Variants in NUP107 observed in about 807,000 individuals in gnomAD.
NUP107 encodes the protein nuclear pore complex protein Nup107.
NUP107 carries 101 observed loss-of-function variants against 141.0 expected under a neutral mutation model. The observed-to-expected ratio is 0.72, with a 90% CI of 0.61 to 0.84. NUP107 has a LOEUF of 0.84. NUP107 is among the 40% of genes least tolerant of loss of function. The pLI is 0.00. For missense variants in NUP107, 941 were observed against 1,102.7 expected, an observed-to-expected ratio of 0.85 and a Z score of 2.08; for synonymous variants, 319 against 363.9, an observed-to-expected ratio of 0.88 and a Z score of 1.41.
At chr12:68,722,213 C>A (rs1215209815) in intron 17 of NUP107, 61 bp downstream of exon 17, 3 of 1,379,980 alleles carry the variant, frequency 2.2e-6, no homozygotes, top group Non-Finnish European at 3.0e-6. Context: ...TTCTATTGTG[C>A]ACTGTAGCTG....
intron 15 of NUP107, among the ~76,000 whole-genome samples, chr12:68,721,480 G>T (rs1877347063): frequency 6.6e-6 from 1 of 152,128 alleles, no homozygotes; most frequent in African/African-American, 2.4e-5. Flanking sequence ...GCTGTATGCA[G>T]AAATGTACCG....
At chr12:68,738,733 T>C (rs1402486998) in intron 26 of NUP107, among the ~76,000 whole-genome samples, 3 of 152,182 alleles carry the variant, frequency 2.0e-5, no homozygotes, top group Non-Finnish European at 4.4e-5. Context: ...AGGTCATCTT[T>C]ACCTACCTTT....
rs1254639562 is a variant in NUP107, at chr12:68,696,884, G to C, written c.514G>C (p.Asp172His). Residue 172 changes from aspartate (D) to histidine (H), a missense_variant, in exon 6 of 28, where the codon GAT (aspartate) becomes CAT (histidine). Coordinates refer to ENST00000229179, the MANE Select transcript of NUP107 (RefSeq NM_020401.4). ...GAAGCACTCTTCGAGTACAGTTTTTGATCTTGTGGAAGAGTATGAAAACAT... is the reference window on the plus strand; with the variant it reads ...GAAGCACTCTTCGAGTACAGTTTTTCATCTTGTGGAAGAGTATGAAAACAT... ...FLKHSSSTVF[D>H]LVEEYENICG... 1.9e-6 allele frequency: 3 copies of C among 1,605,966 alleles called. No individual in the cohort carries two copies. Among genetic ancestry groups the C allele is most frequent in the Non-Finnish European group, 2.5e-6 (3 of 1,176,900 alleles).
intron 9 of NUP107, 129 bp from the exon 10 acceptor site, chr12:68,709,876 G>GAGAC: frequency 1.9e-6 from 1 of 527,908 alleles, no homozygotes; most frequent in South Asian, 1.8e-5. Context: ...ACGACAGAGT[G>GAGAC]AGACTCTTTC....
intron 26 of NUP107, among the ~76,000 whole-genome samples, chr12:68,737,802 G>A (rs1269998590): frequency 6.6e-6 from 1 of 152,148 alleles, no homozygotes; most frequent in Non-Finnish European, 1.5e-5. Context: ...GTAGGGCATT[G>A]TTCAAGGCCC....
chr12:68,691,175 A>G (rs1875767983), intron 4 of NUP107, among the ~76,000 whole-genome samples: 1 of 152,236 alleles, frequency 6.6e-6, no homozygotes, highest in Non-Finnish European at 1.5e-5. Flanking sequence ...ATAATTAGAC[A>G]GTAAAAAAAC....
At chr12:68,730,172 GC>G (rs1478234727) in intron 20 of NUP107, among the ~76,000 whole-genome samples, 3 of 144,262 alleles carry the variant, frequency 2.1e-5, no homozygotes, top group Non-Finnish European at 3.0e-5. Context: ...CACTATGTTG[GC>G]CAGGCTAATC....
intron 17 of NUP107, among the ~76,000 whole-genome samples, chr12:68,722,364 C>A (rs1203418020): frequency 6.6e-6 from 1 of 151,910 alleles, no homozygotes; most frequent in Non-Finnish European, 1.5e-5. Context: ...AGTATATGCA[C>A]GTAAGCTATA....
At chr12:68,702,819 C>T (rs780170991) in intron 8 of NUP107, 35 bp downstream of exon 8, 5 of 1,153,758 alleles carry the variant, frequency 4.3e-6, no homozygotes, top group Non-Finnish European at 6.1e-6. Context: ...TTTATAAATA[C>T]ATACAAATTA....
At chr12:68,741,288 G>A (rs1462468949) in intron 26 of NUP107, among the ~76,000 whole-genome samples, 1 of 151,886 alleles carries the variant, frequency 6.6e-6, no homozygotes, top group Admixed American at 6.6e-5. Flanking sequence ...CTCATTAATT[G>A]TATTATTCAA....
At chr12:68,702,693 C>A in intron 7 of NUP107, 43 bp from the exon 8 acceptor site, 2 of 1,362,718 alleles carry the variant, frequency 1.5e-6, no homozygotes, top group Non-Finnish European at 2.0e-6. Flanking sequence ...TCATTATATT[C>A]GTGTGAAATA....
rs1222429458 is a variant in NUP107 at position 68,745,530 on chromosome 12, A to C, written c.*3068A>C. On this transcript the variant is annotated 3_prime_UTR_variant, in exon 28 of 28. Coordinates refer to ENST00000229179, the MANE Select transcript of NUP107 (RefSeq NM_020401.4). ...TAGTCATTGCACCTGACCTGATCCAAAACATATATATATATTTGTATGCAC... is the reference window on the plus strand; with the variant it reads ...TAGTCATTGCACCTGACCTGATCCACAACATATATATATATTTGTATGCAC... 2 of 152,202 alleles carry C rather than the reference A, an allele frequency of 1.3e-5. No homozygotes were observed. Among genetic ancestry groups the C allele is most frequent in the Non-Finnish European group, 2.9e-5 (2 of 68,042 alleles). The allele number at this position is 152,202 out of a possible 1,614,324, so 9.4% of individuals were successfully genotyped here.
At chr12:68,721,075 G>T in intron 14 of NUP107, 43 bp from the exon 15 acceptor site, 1 of 1,337,214 alleles carries the variant, frequency 7.5e-7, no homozygotes. Context: ...GACATACTAA[G>T]AAAAACAATA....
In NUP107 at chr12:68,721,140, G is replaced by T. The variant is rs758767334; in HGVS notation, c.1274G>T (p.Arg425Ile). The T allele has an allele frequency of 6.2e-7, 1 of 1,608,346 alleles. No homozygotes were observed. The highest frequency in any genetic ancestry group is 2.2e-5 in the East Asian group (1 of 44,636). Residue 425 changes from arginine to isoleucine, a missense_variant, in exon 15 of 28, where the codon AGA becomes ATA. By Grantham distance (97) the Arg-to-Ile change is moderately conservative. Coordinates refer to ENST00000229179, the MANE Select transcript of NUP107 (RefSeq NM_020401.4). ...TAGGAGCTTTTTAATAGATACGAGAGAGCAATTTATGCAGCTTTAAGTGGG... is the reference window on the plus strand; with the variant it reads ...TAGGAGCTTTTTAATAGATACGAGATAGCAATTTATGCAGCTTTAAGTGGG... Reference protein sequence around the residue: ...AEDELFNRYERAIYAALSGNL... With the variant: ...AEDELFNRYEIAIYAALSGNL...
intron 8 of NUP107, chr12:68,706,861 G>A (rs1876607940): frequency 1.8e-5 from 14 of 757,178 alleles, no homozygotes; most frequent in Admixed American, 8.6e-5. Flanking sequence ...GTATCCATAC[G>A]AAGACCACCA....
chr12:68,733,663 G>A (rs377383620), intron 24 of NUP107, 51 bp downstream of exon 24: 78 of 1,552,408 alleles, frequency 5.0e-5, no homozygotes, highest in South Asian at 1.7e-4. Context: ...ATGATTTTTC[G>A]GATTCACTCT....
intron 3 of NUP107, 181 bp from the exon 4 acceptor site, chr12:68,690,450 A>T: frequency 1.2e-6 from 1 of 817,042 alleles, no homozygotes. Context: ...TACAGCTCAA[A>T]TTTAGAAAAA....
chr12:68,736,761 C>T (rs1308519962), intron 26 of NUP107, among the ~76,000 whole-genome samples: 4 of 128,242 alleles, frequency 3.1e-5, no homozygotes, highest in African/African-American at 8.6e-5. Flanking sequence ...TTGCTCTTGT[C>T]GCCCAGGCTG....
At chr12:68,719,687 T>A (rs777209470) in intron 14 of NUP107, 33 bp downstream of exon 14, 1 of 1,431,702 alleles carries the variant, frequency 7.0e-7, no homozygotes, top group African/African-American at 1.4e-5. Flanking sequence ...TGATACTGTT[T>A]TTAACTCCAA....
Sources: gnomAD v4.1 joint callset for allele counts (sites outside exome capture counted in the v4.1 genomes callset) on GRCh38, gnomAD v4.1.1 for gene constraint, MANE v1.5 for transcripts, NCBI Gene and HGNC (gene_info 2026-07-23, HGNC 2026-07-21) for gene names.